Variants in CFI observed in about 807,000 individuals in gnomAD.
CFI encodes the protein complement factor I.
A neutral mutation model predicts 78.8 loss-of-function variants in CFI; 66 were observed. The observed-to-expected ratio is 0.84, with a 90% CI of 0.69 to 1.03. The LOEUF is 1.03. Among genes scored for constraint, CFI ranks in the 50% least tolerant of loss-of-function variants. The pLI is 0.00. For synonymous variants in CFI, 250 were observed against 232.6 expected (o/e 1.07, Z -0.68); for missense variants, 706 against 704.5 (o/e 1.00, Z -0.02).
At chr4:109,781,036 T>C (rs1729948945) in intron 1 of CFI, among the ~76,000 whole-genome samples, 1 of 152,262 alleles carries the variant, frequency 6.6e-6, no homozygotes, top group Non-Finnish European at 1.5e-5. Context: ...TTAGGAGATA[T>C]ACCTAATGTA....
At chr4:109,789,231 TA>T (rs1303728992) in intron 1 of CFI, among the ~76,000 whole-genome samples, 2 of 152,078 alleles carry the variant, frequency 1.3e-5, no homozygotes, top group Admixed American at 6.6e-5. Flanking sequence ...AGTACATATG[TA>T]ATTGGAGCCT....
At position 109,780,710 on chromosome 4, in the gene CFI, C is replaced by T. The variant is rs569513561; in HGVS notation, c.58-13886G>A. ...GACACATGCACACGTATGTTTATTG[C>T]GGCACTATTCACAATAGCAAAGACT... On this transcript the variant is annotated intron_variant, in intron 1 of 12. Transcript: ENST00000394634. Among the ~76,000 whole-genome samples the T allele has an allele frequency of 1.9e-3, 289 of 152,162 alleles. 3 individuals carry two copies. The highest frequency in any genetic ancestry group is 6.6e-3 in the African/African-American group (275 of 41,506).
chr4:109,756,375 G>A (rs1024571503), intron 7 of CFI, among the ~76,000 whole-genome samples: 6 of 122,682 alleles, frequency 4.9e-5, no homozygotes, highest in Admixed American at 2.6e-4. Flanking sequence ...GGAGGAGGAC[G>A]AGGGAAGAGA....
Position 109,780,412 on chromosome 4 carries a change from G to A in CFI, c.58-13588C>T, listed in dbSNP as rs577454281. Among the ~76,000 whole-genome samples, 26 of 152,218 alleles carry A rather than the reference G, an allele frequency of 1.7e-4. No individual in the cohort carries two copies. In the South Asian group the frequency reaches 5.4e-3, roughly 32 times the overall value. On this transcript the variant is annotated intron_variant, in intron 1 of 12. Transcript: ENST00000394634. ...CATGAAAAAATGCTCATCATCACTG[G>A]CCATCAGAGAAATGCAAATCAAAAC...
intron 1 of CFI, among the ~76,000 whole-genome samples, chr4:109,785,982 G>A (rs918024388): frequency 7.9e-5 from 12 of 151,788 alleles, no homozygotes; most frequent in African/African-American, 2.9e-4. Flanking sequence ...CCTAGTCTTG[G>A]GCAGTTCTTT....
At chr4:109,732,152 A>G in the CFI span, among the ~76,000 whole-genome samples, 7 of 152,218 alleles carry the variant, frequency 4.6e-5, no homozygotes, top group African/African-American at 1.7e-4. Context: ...CTATTTATTT[A>G]CTTCTTTGTG....
chr4:109,782,643 C>A (rs1216342995), intron 1 of CFI, among the ~76,000 whole-genome samples: 1 of 151,866 alleles, frequency 6.6e-6, no homozygotes, highest in Admixed American at 6.6e-5. Flanking sequence ...TACCAAAATA[C>A]CACCATCACT....
intron 1 of CFI, among the ~76,000 whole-genome samples, chr4:109,772,140 C>T (rs767300487): frequency 1.4e-4 from 22 of 152,194 alleles, no homozygotes; most frequent in South Asian, 4.1e-4. Context: ...CATTAATCAA[C>T]GGAGAGACAG....
chr4:109,778,523 C>A (rs1391420790), intron 1 of CFI, among the ~76,000 whole-genome samples: 3 of 152,060 alleles, frequency 2.0e-5, no homozygotes, highest in Non-Finnish European at 4.4e-5. Flanking sequence ...CAGGACCAGA[C>A]AGATTCACAG....
Position 109,749,570 on chromosome 4 carries a change from G to C in CFI, c.973C>G (p.Leu325Val), listed in dbSNP as rs1175075045. 1 of 1,610,524 alleles carries C rather than the reference G, an allele frequency of 6.2e-7. No homozygotes were observed. The highest frequency in any genetic ancestry group is 2.2e-5 in the East Asian group (1 of 44,864). Residue 325 changes from leucine (L) to valine (V), a missense_variant, in exon 9 of 13, where the codon CTA becomes GTA. Coordinates refer to ENST00000394634, the MANE Select transcript of CFI (RefSeq NM_000204.5). ...RRRIKSLLPK[L>V]SCGVKNRMHI... The stretch of plus-strand genomic sequence containing the variant: ...ATTCTGTTTTTAACTCCACAAGATA[G>C]TTTAGGTAATAATGATTTTATCCGT...
At chr4:109,798,441 A>G (rs1486076140) in intron 1 of CFI, among the ~76,000 whole-genome samples, 1 of 152,184 alleles carries the variant, frequency 6.6e-6, no homozygotes, top group Non-Finnish European at 1.5e-5. Flanking sequence ...CTCCAAACTC[A>G]AACTCATCAA....
downstream of CFI, among the ~76,000 whole-genome samples, chr4:109,739,413 T>A (rs1188576316): frequency 6.6e-6 from 1 of 151,978 alleles, no homozygotes; most frequent in Non-Finnish European, 1.5e-5. Context: ...GAGGAGACAG[T>A]GTTGAGAAGA....
In CFI at chr4:109,792,852, G is replaced by C. The variant is rs1161542805; in HGVS notation, c.57+9063C>G. ...ATCTTTTCTATCCTTTATTTCTTTG[G>C]ACCTAAAGGCAGCCTCTTTAGACAG... On this transcript the variant is annotated intron_variant, in intron 1 of 12. Coordinates refer to ENST00000394634, the MANE Select transcript of CFI (RefSeq NM_000204.5). Among the ~76,000 whole-genome samples the C allele has an allele frequency of 2.0e-5, 3 of 151,884 alleles. No homozygotes were observed. The East Asian group carries it at 5.8e-4, about 29-fold the overall frequency.
In CFI at chr4:109,749,560, C is replaced by A. The variant is rs1418847358; in HGVS notation, c.983G>T (p.Gly328Val). Reference sequence around the variant, plus strand: ...TCGAATGTGCATTCTGTTTTTAACTCCACAAGATAGTTTAGGTAATAATGA... The same window carrying A: ...TCGAATGTGCATTCTGTTTTTAACTACACAAGATAGTTTAGGTAATAATGA... ...IKSLLPKLSC[G>V]VKNRMHIRRK... Residue 328 changes from glycine to valine, a missense_variant, in exon 9 of 13, where the codon GGA (glycine) becomes GTA (valine). By Grantham distance (109) the Gly-to-Val change is moderately radical. Coordinates refer to ENST00000394634, the MANE Select transcript of CFI (RefSeq NM_000204.5). 3 of 1,612,324 alleles carry A rather than the reference C, an allele frequency of 1.9e-6. No individual in the cohort carries two copies. In the Admixed American group the frequency reaches 5.0e-5, roughly 27 times the overall value.
At chr4:109,780,065 C>A (rs1729803458) in intron 1 of CFI, among the ~76,000 whole-genome samples, 1 of 152,068 alleles carries the variant, frequency 6.6e-6, no homozygotes, top group African/African-American at 2.4e-5. Context: ...CAGGCAACAC[C>A]ATTCAGGCCA....
chr4:109,785,632 A>G (rs767414758), intron 1 of CFI, among the ~76,000 whole-genome samples: 6 of 152,024 alleles, frequency 3.9e-5, no homozygotes, highest in Non-Finnish European at 5.9e-5. Context: ...TTCTCTGTGT[A>G]TATGGGTGAT....
chr4:109,758,000 A>G, intron 6 of CFI: 1 of 1,383,080 alleles, frequency 7.2e-7, no homozygotes, highest in Non-Finnish European at 9.6e-7. Context: ...CAAAGAGATC[A>G]TTTTGATTTG....
chr4:109,779,929 A>C (rs970713721), intron 1 of CFI, among the ~76,000 whole-genome samples: 1 of 152,058 alleles, frequency 6.6e-6, no homozygotes, highest in African/African-American at 2.4e-5. Flanking sequence ...GCTAGCCATA[A>C]GTAGAAAGCT....
At chr4:109,754,143 C>T (rs1291186567) in intron 7 of CFI, among the ~76,000 whole-genome samples, 1 of 151,122 alleles carries the variant, frequency 6.6e-6, no homozygotes, top group Non-Finnish European at 1.5e-5. Flanking sequence ...GTCACCATGC[C>T]CGGCTAATTT....
Sources: allele counts gnomAD v4.1 joint callset (sites outside exome capture counted in the v4.1 genomes callset), GRCh38; gene constraint gnomAD v4.1.1; transcripts MANE v1.5; gene names NCBI Gene and HGNC (gene_info 2026-07-23, HGNC 2026-07-21).